TEX2: variants seen among roughly 807,000 people sequenced by gnomAD.
The protein encoded by TEX2 is testis expressed 2.
TEX2 carries 53 observed loss-of-function variants against 106.9 expected under a neutral mutation model. The observed-to-expected ratio is 0.50, with a 90% CI of 0.40 to 0.62. The LOEUF (loss-of-function observed/expected upper bound fraction) is 0.62. Among genes scored for constraint, TEX2 ranks in the 20% least tolerant of loss-of-function variants. TEX2 has a pLI of 0.00. For missense variants in TEX2, 1,207 were observed against 1,379.0 expected, an observed-to-expected ratio of 0.88 and a Z score of 1.98; for synonymous variants, 523 against 534.8, an observed-to-expected ratio of 0.98 and a Z score of 0.30.
intron 1 of TEX2, chr17:64,242,149 T>G (rs1339146860): frequency 6.6e-6 from 1 of 152,230 alleles, no homozygotes; most frequent in Non-Finnish European, 1.5e-5. Context: ...AAATTCCATA[T>G]AGTTCAGAAG....
At chr17:64,184,158 G>A (rs1422494562) in intron 5 of TEX2, among the ~76,000 whole-genome samples, 1 of 152,170 alleles carries the variant, frequency 6.6e-6, no homozygotes, top group African/African-American at 2.4e-5. Flanking sequence ...AAGTGCAGTG[G>A]TGCAATCACT....
In TEX2 at chr17:64,213,801, A is replaced by G; in HGVS notation, c.417T>C (p.Ser139=). ...GAGAGCTAGCTAAGGGCCCCGACGA[A>G]GACGACCCTGGGGACACAGCCAATG... ...TVPLAVSPGS[S]SSGPLASSPS... The change falls in exon 2 of 12, where the codon TCT becomes TCC. Residue 139 remains serine, a synonymous_variant. Transcript: ENST00000584379. The surrounding 1 kb of genome is among the most constrained non-coding windows in gnomAD (Gnocchi z 4.4). 6.2e-7 allele frequency: 1 copy of G among 1,614,232 alleles called. No homozygotes were observed. Among genetic ancestry groups the G allele is most frequent in the Non-Finnish European group, 8.5e-7 (1 of 1,180,048 alleles).
Position 64,194,944 on chromosome 17 carries a change from G to A in TEX2, c.1796C>T (p.Pro599Leu). The A allele has an allele frequency of 6.2e-7, 1 of 1,614,140 alleles. No individual in the cohort carries two copies. The highest frequency in any genetic ancestry group is 1.1e-5 in the South Asian group (1 of 91,084). Reference protein sequence around the residue: ...SRRASYNEPKPEVTYISQKIY... With the variant: ...SRRASYNEPKLEVTYISQKIY... ...TTTCTGGCTGATGTAGGTGACCTCT[G>A]GCTTGGGTTCATTGTAGCTGGCCCT... Residue 599 changes from proline to leucine, a missense_variant, in exon 3 of 12, where the codon CCA becomes CTA. By Grantham distance (98) the Pro-to-Leu change is moderately conservative. Around this residue, in one of 3 missense-constraint regions of TEX2, gnomAD observed 1,067 missense variants for 1,193.6 expected, o/e 0.89. Coordinates refer to ENST00000584379, the MANE Select transcript of TEX2 (RefSeq NM_001288732.2).
At chr17:64,233,651 T>C (rs2033705913) in intron 1 of TEX2, among the ~76,000 whole-genome samples, 1 of 152,172 alleles carries the variant, frequency 6.6e-6, no homozygotes, top group Admixed American at 6.5e-5. Context: ...GGTGGAGATA[T>C]AGTACCAGTT....
At chr17:64,202,197 T>C (rs2032689194) in intron 2 of TEX2, among the ~76,000 whole-genome samples, 1 of 152,170 alleles carries the variant, frequency 6.6e-6, no homozygotes. Context: ...GAGAGGGGTA[T>C]TGTGACTGGA....
chr17:64,234,003 A>G (rs561855869), intron 1 of TEX2, among the ~76,000 whole-genome samples: 1 of 152,168 alleles, frequency 6.6e-6, no homozygotes, highest in Non-Finnish European at 1.5e-5. Context: ...GCCTCCATGG[A>G]CGCCCATTCC....
intron 2 of TEX2, among the ~76,000 whole-genome samples, chr17:64,202,042 A>C (rs1555630153): frequency 6.6e-6 from 1 of 152,256 alleles, no homozygotes; most frequent in South Asian, 2.1e-4. Flanking sequence ...AAGGAGCTGT[A>C]GAGGTTACTT....
intron 1 of TEX2, among the ~76,000 whole-genome samples, chr17:64,246,072 T>C (rs782063629): frequency 1.3e-5 from 2 of 152,140 alleles, no homozygotes; most frequent in Non-Finnish European, 2.9e-5. Context: ...AGAAGCAATA[T>C]GGAAAGGAGA....
chr17:64,233,544 G>A (rs1240888359), intron 1 of TEX2, among the ~76,000 whole-genome samples: 1 of 152,176 alleles, frequency 6.6e-6, no homozygotes, highest in Non-Finnish European at 1.5e-5. Flanking sequence ...CTGCACTCCA[G>A]CCTGGGTGAC....
At chr17:64,200,139 CAT>C (rs1275718568) in intron 2 of TEX2, among the ~76,000 whole-genome samples, 23 of 152,154 alleles carry the variant, frequency 1.5e-4, no homozygotes, top group African/African-American at 5.6e-4. Context: ...TTGAAAAACT[CAT>C]AGTTCTATAG....
intron 1 of TEX2, among the ~76,000 whole-genome samples, chr17:64,233,933 C>T (rs1555634863): frequency 2.6e-5 from 4 of 152,186 alleles, no homozygotes; most frequent in African/African-American, 9.6e-5. Context: ...GCCTTACCTC[C>T]TGGGACGTGG....
At chr17:64,237,107 T>A (rs142935605) in intron 1 of TEX2, among the ~76,000 whole-genome samples, 108 of 152,292 alleles carry the variant, frequency 7.1e-4, no homozygotes, top group African/African-American at 2.3e-3. Context: ...TGATCCGTTT[T>A]GAATATTAAT....
At chr17:64,238,717 A>T (rs376731106) in intron 1 of TEX2, among the ~76,000 whole-genome samples, 1 of 152,188 alleles carries the variant, frequency 6.6e-6, no homozygotes, top group Admixed American at 6.5e-5. Context: ...CCATGGTTCA[A>T]TTACCTCCCA....
intron 5 of TEX2, among the ~76,000 whole-genome samples, chr17:64,181,737 A>C (rs2031873969): frequency 6.6e-6 from 1 of 151,534 alleles, no homozygotes; most frequent in East Asian, 1.9e-4. Context: ...GCTGGTCTCA[A>C]ACTCCCAACC....
chr17:64,186,304 C>A (rs919438195), intron 5 of TEX2, among the ~76,000 whole-genome samples: 1 of 151,982 alleles, frequency 6.6e-6, no homozygotes, highest in South Asian at 2.1e-4. Flanking sequence ...TTTTATATCA[C>A]CCCACTCTTG....
chr17:64,225,624 G>A (rs557644159), intron 1 of TEX2, among the ~76,000 whole-genome samples: 75 of 152,328 alleles, frequency 4.9e-4, no homozygotes, highest in African/African-American at 1.7e-3. Flanking sequence ...TGGAAGCCAA[G>A]AGAGTATGGT....
At chr17:64,201,712 T>C (rs967657151) in intron 2 of TEX2, among the ~76,000 whole-genome samples, 3 of 152,108 alleles carry the variant, frequency 2.0e-5, no homozygotes, top group Non-Finnish European at 2.9e-5. Context: ...GCACTTCTCC[T>C]AGGAAGCCTC....
At chr17:64,202,586 C>T (rs933293782) in intron 2 of TEX2, among the ~76,000 whole-genome samples, 19 of 152,210 alleles carry the variant, frequency 1.2e-4, no homozygotes, top group Non-Finnish European at 1.6e-4. Flanking sequence ...GAAGCAGCAA[C>T]TCCAAGGTCT....
At chr17:64,235,256 C>T (rs1339211807) in intron 1 of TEX2, among the ~76,000 whole-genome samples, 1 of 152,200 alleles carries the variant, frequency 6.6e-6, no homozygotes, top group African/African-American at 2.4e-5. Flanking sequence ...GGTAACAAAG[C>T]TACTAACTAG....
Sources: gnomAD v4.1 joint callset for allele counts (sites outside exome capture counted in the v4.1 genomes callset) on GRCh38, gnomAD v4.1.1 for gene constraint, gnomAD v4.1.1 regional missense constraint, Gnocchi (gnomAD v3.1) non-coding constraint, MANE v1.5 for transcripts, NCBI Gene and HGNC (gene_info 2026-07-23, HGNC 2026-07-21) for gene names.